Variants in LRRIQ1 observed in about 807,000 individuals in gnomAD.
The protein encoded by LRRIQ1 is leucine rich repeats and IQ motif containing 1.
Under a neutral mutation model 211.9 loss-of-function variants are expected in LRRIQ1, and 210 were observed. The observed-to-expected ratio is 0.99, with a 90% CI of 0.89 to 1.11. The LOEUF is 1.11. Among genes scored for constraint, LRRIQ1 ranks in the 50% most tolerant of loss-of-function variants. LRRIQ1 has a pLI of 0.00. For missense variants in LRRIQ1, 2,136 were observed against 1,939.5 expected, an observed-to-expected ratio of 1.10 and a Z score of -1.90; for synonymous variants, 699 against 650.1, an observed-to-expected ratio of 1.08 and a Z score of -1.14.
At chr12:85,049,975 C>G (rs1339648289) in intron 6 of LRRIQ1, among the ~76,000 whole-genome samples, 6 of 152,192 alleles carry the variant, frequency 3.9e-5, no homozygotes, top group Non-Finnish European at 5.9e-5. Context: ...TTCATTTTCT[C>G]TCTCTGTCCT....
At chr12:85,205,487 T>C (rs915220944) in intron 24 of LRRIQ1, among the ~76,000 whole-genome samples, 4 of 152,138 alleles carry the variant, frequency 2.6e-5, no homozygotes, top group African/African-American at 9.7e-5. Flanking sequence ...CTGATAGATT[T>C]CCTTTGTGGG....
intron 24 of LRRIQ1, among the ~76,000 whole-genome samples, chr12:85,215,322 G>GCCT (rs1565908170): frequency 6.6e-6 from 1 of 152,166 alleles, no homozygotes; most frequent in Non-Finnish European, 1.5e-5. Flanking sequence ...ATCATAGGAA[G>GCCT]CCTTGCACAA....
rs755493707 is a variant in LRRIQ1, at chr12:85,098,943, T to A, written c.3158T>A (p.Phe1053Tyr). Reference protein sequence around the residue: ...DDNSISTVEAFSSYWLPLLQN... With the variant: ...DDNSISTVEAYSSYWLPLLQN... ...AACAGCATTTCAACTGTGGAAGCAT[T>A]TTCTTCATACTGGCTGCCTTTACTA... is the stretch of plus-strand genomic sequence containing the variant. Residue 1053 changes from phenylalanine (F) to tyrosine (Y), a missense_variant, in exon 13 of 27, where the codon TTT (phenylalanine) becomes TAT (tyrosine). Physicochemically the swap from Phe to Tyr is conservative, Grantham distance 22. Transcript: ENST00000393217. 1.3e-6 allele frequency: 2 copies of A among 1,575,816 alleles called. No homozygotes were observed. The highest frequency in any genetic ancestry group is 2.3e-5 in the East Asian group (1 of 42,654).
chr12:85,153,203 C>T, intron 21 of LRRIQ1, 58 bp downstream of exon 21: 1 of 1,415,572 alleles, frequency 7.1e-7, no homozygotes, highest in Non-Finnish European at 9.7e-7. Context: ...TATTACATAT[C>T]ATACAAAAGT....
At chr12:85,188,531 T>A (rs1328701582) in intron 24 of LRRIQ1, among the ~76,000 whole-genome samples, 1 of 152,176 alleles carries the variant, frequency 6.6e-6, no homozygotes, top group Non-Finnish European at 1.5e-5. Flanking sequence ...TATGAAATAA[T>A]GTAGCCCTCT....
chr12:85,141,425 G>A (rs985464853), intron 19 of LRRIQ1, among the ~76,000 whole-genome samples: 16 of 150,972 alleles, frequency 1.1e-4, no homozygotes, highest in Admixed American at 8.0e-4. Context: ...CTCATACTTC[G>A]GGGCTGTGTT....
At chr12:85,039,100 T>A (rs1028176627) in intron 2 of LRRIQ1, among the ~76,000 whole-genome samples, 2 of 151,366 alleles carry the variant, frequency 1.3e-5, no homozygotes, top group Non-Finnish European at 3.0e-5. Context: ...TACATTATTA[T>A]GTCTTTTATC....
chr12:85,248,091 A>G (rs1005806240), downstream of LRRIQ1, among the ~76,000 whole-genome samples: 2 of 151,634 alleles, frequency 1.3e-5, no homozygotes, highest in South Asian at 4.1e-4. Flanking sequence ...AAATGATTTT[A>G]GTTTACTCAA....
At chr12:85,038,030 A>G (rs1229267961) in intron 1 of LRRIQ1, 123 bp from the exon 2 acceptor site, 3 of 508,346 alleles carry the variant, frequency 5.9e-6, no homozygotes, top group Non-Finnish European at 9.2e-6. Context: ...GTGTAACCAT[A>G]ATAAGGTGTG....
intron 13 of LRRIQ1, among the ~76,000 whole-genome samples, chr12:85,099,914 C>A (rs1297454064): frequency 6.6e-6 from 1 of 151,722 alleles, no homozygotes; most frequent in East Asian, 1.9e-4. Flanking sequence ...TTCAAAAAAT[C>A]CCCTCAAATT....
chr12:85,127,760 G>A (rs979927357), intron 17 of LRRIQ1, 72 bp from the exon 18 acceptor site: 1 of 1,253,814 alleles, frequency 8.0e-7, no homozygotes, highest in Non-Finnish European at 1.1e-6. Context: ...TTGTTTAGGA[G>A]GACCTTTTAT....
At chr12:85,120,680 C>T (rs995895712) in intron 15 of LRRIQ1, among the ~76,000 whole-genome samples, 1 of 152,158 alleles carries the variant, frequency 6.6e-6, no homozygotes, top group Non-Finnish European at 1.5e-5. Flanking sequence ...TGGGATATCT[C>T]TTGATTTATT....
chr12:85,138,068 T>C (rs1415214842), intron 19 of LRRIQ1, 99 bp downstream of exon 19: 1 of 706,578 alleles, frequency 1.4e-6, no homozygotes, highest in East Asian at 3.0e-5. Flanking sequence ...CCTATTAATA[T>C]TGTTACAGAC....
At chr12:85,257,658 T>C (rs914230357) in intron 1 of LRRIQ1, among the ~76,000 whole-genome samples, 1 of 151,746 alleles carries the variant, frequency 6.6e-6, no homozygotes, top group Non-Finnish European at 1.5e-5. Context: ...TAGTTATCAA[T>C]GGAAAGATGG....
chr12:85,070,848 A>T (rs958642188), intron 10 of LRRIQ1, among the ~76,000 whole-genome samples: 2 of 151,924 alleles, frequency 1.3e-5, no homozygotes, highest in African/African-American at 4.8e-5. Context: ...ATAGCTTCAA[A>T]ACAACAATGC....
Position 85,056,584 on chromosome 12 carries a change from A to C in LRRIQ1, c.1791A>C (p.Leu597Phe). Residue 597 changes from leucine (L) to phenylalanine (F), a missense_variant, in exon 8 of 27, where the codon TTA becomes TTC. Coordinates refer to ENST00000393217, the MANE Select transcript of LRRIQ1 (RefSeq NM_001079910.2). ...AAGAGATACAAGAACAGAATGGATT[A>C]TTATATAAAGATAAGGATACTTTAG... ...EKEEIQEQNGLLYKDKDTLVI... is the reference protein window; with the variant it reads ...EKEEIQEQNGFLYKDKDTLVI... The C allele has an allele frequency of 6.3e-7, 1 of 1,597,074 alleles. No individual in the cohort carries two copies. The highest frequency in any genetic ancestry group is 1.7e-4 in the Middle Eastern group (1 of 5,966).
At chr12:85,062,142 T>C (rs535486825) in intron 8 of LRRIQ1, among the ~76,000 whole-genome samples, 1 of 152,010 alleles carries the variant, frequency 6.6e-6, no homozygotes, top group African/African-American at 2.4e-5. Context: ...AATTTTAATA[T>C]AATGTTTTTA....
At chr12:85,139,181 T>A (rs545977236) in intron 19 of LRRIQ1, among the ~76,000 whole-genome samples, 1 of 151,568 alleles carries the variant, frequency 6.6e-6, no homozygotes, top group Admixed American at 6.6e-5. Context: ...GCTGCATAGA[T>A]CATTCTTGGG....
chr12:85,268,534 A>G (rs1236259331), downstream of LRRIQ1, among the ~76,000 whole-genome samples: 7 of 152,002 alleles, frequency 4.6e-5, no homozygotes, highest in Admixed American at 1.3e-4. Context: ...TATACCTTTT[A>G]TTAAATAGAA....
Sources: allele counts gnomAD v4.1 joint callset (sites outside exome capture counted in the v4.1 genomes callset), GRCh38; gene constraint gnomAD v4.1.1; transcripts MANE v1.5; gene names NCBI Gene and HGNC (gene_info 2026-07-23, HGNC 2026-07-21).